The following TPM3 variants were observed in gnomAD, a reference collection of about 807,000 sequenced individuals.
The protein encoded by TPM3 is tropomyosin alpha-3 chain.
TPM3 carries 16 observed loss-of-function variants against 43.1 expected under a neutral mutation model. The ratio of observed to expected loss-of-function variants is 0.37; its 90% confidence interval spans 0.25 to 0.56. The LOEUF (loss-of-function observed/expected upper bound fraction) is 0.56, where lower values mean the gene tolerates loss of function less well. Among genes scored for constraint, TPM3 ranks in the 20% least tolerant of loss-of-function variants. The pLI is 0.77. For synonymous variants in TPM3, 101 were observed against 116.9 expected, an observed-to-expected ratio of 0.86 and a Z score of 0.88; for missense variants, 176 against 337.2, an observed-to-expected ratio of 0.52 and a Z score of 3.74.
chr1:154,171,158 A>G (rs975842962), intron 6 of TPM3: 7 of 597,024 alleles, frequency 1.2e-5, no homozygotes, highest in African/African-American at 1.1e-4. Flanking sequence ...GCCCTTGATT[A>G]TTGCTTTTCA....
At chr1:154,159,091 G>A (rs765783137), downstream of TPM3, 1 of 778,524 alleles carries the variant, frequency 1.3e-6, no homozygotes, top group Admixed American at 1.7e-5. Context: ...GAGAAGGAGA[G>A]GAAAAAGAGG....
At chr1:154,172,143 G>A (rs756676674) in intron 5 of TPM3, 1 of 1,605,670 alleles carries the variant, frequency 6.2e-7, no homozygotes, top group Non-Finnish European at 8.5e-7. Flanking sequence ...AAGCCAGGTT[G>A]TGGGGAGGGA....
intron 5 of TPM3, chr1:154,172,619 C>G (rs1661728720): frequency 2.1e-6 from 1 of 471,302 alleles, no homozygotes; most frequent in Non-Finnish European, 3.9e-6. Context: ...TGGAAGGACC[C>G]AGTAGGATCT....
Position 154,167,554 on chromosome 1 carries a change from C to T in TPM3, c.*383G>A. On this transcript the variant is annotated 3_prime_UTR_variant, in exon 10 of 10. Transcript: ENST00000651641. The stretch of plus-strand genomic sequence containing the variant: ...CTATCCTGAGTAACCTGTACTAAAT[C>T]CATCACTCTGGTAGAATCAGATCAG... 1 of 1,151,388 alleles carries T rather than the reference C, an allele frequency of 8.7e-7. No individual in the cohort carries two copies. Among genetic ancestry groups the T allele is most frequent in the Non-Finnish European group, 1.1e-6 (1 of 929,774 alleles). The allele number at this position is 1,151,388 out of a possible 1,614,324, so 71.3% of individuals were successfully genotyped here. A position where few individuals can be genotyped will look rare whatever the true frequency, so the allele number is the denominator to read the frequency against.
intron 2 of TPM3, among the ~76,000 whole-genome samples, chr1:154,190,089 C>T (rs1329351355): frequency 6.6e-6 from 1 of 151,876 alleles, no homozygotes; most frequent in Non-Finnish European, 1.5e-5. Context: ...TTACAGGCAC[C>T]CGCCACCACA....
chr1:154,174,407 T>TATATACAC (rs1261318136), intron 3 of TPM3, among the ~76,000 whole-genome samples: 1,056 of 72,464 alleles, frequency 0.015, 14 homozygotes, highest in Non-Finnish European at 0.018. Context: ...TATATATATA[T>TATATACAC]ACACACAAAA....
chr1:154,159,987 T>C (rs1162609264), downstream of TPM3, among the ~76,000 whole-genome samples: 1 of 140,826 alleles, frequency 7.1e-6, no homozygotes, highest in Non-Finnish European at 1.5e-5. Flanking sequence ...AAGTAAGTTA[T>C]TTCCTTTTTT....
chr1:154,179,773 T>TG (rs1290534206), intron 2 of TPM3, among the ~76,000 whole-genome samples: 1 of 152,090 alleles, frequency 6.6e-6, no homozygotes. Context: ...TTAGTAGAGA[T>TG]GGGGTTTCAT....
chr1:154,163,934 C>CT lies in TPM3; in HGVS notation c.*4002dup, dbSNP rs1324669362. ...AGGCGTGAGCCACCGTGCCTGGCCT[C>CT]TTTTTTTTGTATTTGCAATTGTCCT... On this transcript the variant is annotated 3_prime_UTR_variant, in exon 10 of 10. Coordinates refer to ENST00000651641, the MANE Select transcript of TPM3 (RefSeq NM_152263.4). Among the ~76,000 whole-genome samples, 1 of 151,504 alleles carries CT rather than the reference C, an allele frequency of 6.6e-6. No individual in the cohort carries two copies. Among genetic ancestry groups the CT allele is most frequent in the East Asian group, 1.9e-4 (1 of 5,156 alleles).
At position 154,176,222 on chromosome 1, in the gene TPM3, G is replaced by A; in HGVS notation, c.270C>T (p.Asn90=). 1 of 1,614,138 alleles carries A rather than the reference G, an allele frequency of 6.2e-7. No individual in the cohort carries two copies. Residue 90 remains asparagine (N), a synonymous_variant, in exon 3 of 10, where the codon AAC becomes AAT. Coordinates refer to ENST00000651641, the MANE Select transcript of TPM3 (RefSeq NM_152263.4). ...ADAEAEVASL[N]RRIQLVEEEL... is the part of the protein sequence containing the mutation. ...CTTCTTCAACCAGCTGGATCCTACG[G>A]TTCAAGGAGGCCACCTCAGCCTCAG...
Position 154,162,483 on chromosome 1 carries a change from G to A in TPM3, c.*5454C>T, listed in dbSNP as rs1199495206. Among the ~76,000 whole-genome samples the A allele has an allele frequency of 1.3e-5, 2 of 151,700 alleles. No homozygotes were observed. The highest frequency in any genetic ancestry group is 4.9e-5 in the African/African-American group (2 of 41,072). On this transcript the variant is annotated 3_prime_UTR_variant, in exon 10 of 10. Coordinates refer to ENST00000651641, the MANE Select transcript of TPM3 (RefSeq NM_152263.4). ...AAGATAAAGCTGCCAAACAGAATAG[G>A]TCTAAGATAAAGCTGCCAAACAGAA...
rs573867555 is a variant in TPM3, at chr1:154,183,330, C to A, written c.244-7082G>T. On this transcript the variant is annotated intron_variant, in intron 2 of 9. Transcript: ENST00000651641. ...GGAGAGCCGCGGCAGGGAGTGGATC[C>A]TCCCAGTCGCCCTGGAGTACGGCTC... The A allele has an allele frequency of 1.9e-5, 27 of 1,458,716 alleles. No homozygotes were observed. In the African/African-American group the frequency reaches 3.5e-4, roughly 19 times the overall value. The allele number at this position is 1,458,716 out of a possible 1,614,324, so 90.4% of individuals were successfully genotyped here.
At chr1:154,171,842 G>T in intron 5 of TPM3, 1 of 741,532 alleles carries the variant, frequency 1.3e-6, no homozygotes, top group Non-Finnish European at 2.4e-6. Flanking sequence ...CTGTGGAGAG[G>T]CAGTGAAGCA....
intron 1 of TPM3, among the ~76,000 whole-genome samples, 153 bp from the exon 2 acceptor site, chr1:154,191,464 G>A (rs561320373): frequency 6.6e-6 from 1 of 152,280 alleles, no homozygotes; most frequent in African/African-American, 2.4e-5. Flanking sequence ...ACTGCCTCAG[G>A]AGTTATGCCG....
At chr1:154,160,270 T>C (rs1445655955), downstream of TPM3, among the ~76,000 whole-genome samples, 1 of 152,210 alleles carries the variant, frequency 6.6e-6, no homozygotes, top group Non-Finnish European at 1.5e-5. Flanking sequence ...ACAGCCCGTT[T>C]CAAAATGGTC....
intron 2 of TPM3, among the ~76,000 whole-genome samples, chr1:154,181,808 C>T (rs898243885): frequency 6.6e-6 from 1 of 152,118 alleles, no homozygotes; most frequent in Non-Finnish European, 1.5e-5. Flanking sequence ...GTAATCCCAG[C>T]TACTCAGGAG....
At chr1:154,173,861 C>T (rs2148245475) in intron 3 of TPM3, among the ~76,000 whole-genome samples, 1 of 151,550 alleles carries the variant, frequency 6.6e-6, no homozygotes, top group East Asian at 2.0e-4. Context: ...TGGTGGCAAG[C>T]ACCTGTAATC....
At chr1:154,191,152 G>A (rs771174437) in intron 2 of TPM3, 34 bp downstream of exon 2, 1 of 1,613,948 alleles carries the variant, frequency 6.2e-7, no homozygotes, top group Non-Finnish European at 8.5e-7. Context: ...TATATGTGTA[G>A]ATTAAACCCA....
At chr1:154,171,953 C>A in intron 5 of TPM3, 1 of 1,479,322 alleles carries the variant, frequency 6.8e-7, no homozygotes, top group Non-Finnish European at 9.4e-7. Flanking sequence ...GGAGGGGAGG[C>A]AGCTGCAAAA....
Sources: gnomAD v4.1 joint callset for allele counts (sites outside exome capture counted in the v4.1 genomes callset) on GRCh38, gnomAD v4.1.1 for gene constraint, MANE v1.5 for transcripts, NCBI Gene and HGNC (gene_info 2026-07-23, HGNC 2026-07-21) for gene names.